Variants in EXOC1L observed in about 807,000 individuals in gnomAD.
The protein encoded by EXOC1L is exocyst complex component 1 like, also known as exocyst complex component 1-like.
Under a neutral mutation model 4.9 loss-of-function variants are expected in EXOC1L, and 10 were observed. That is an observed-to-expected ratio of 2.02 (90% CI 1.25 to 3.43). The LOEUF is 3.43. Ranked by LOEUF, EXOC1L falls within the 30% of genes most tolerant of loss-of-function variation. The pLI, the probability that EXOC1L is intolerant of heterozygous loss-of-function variation, is 0.00. For synonymous variants in EXOC1L, 41 were observed against 20.8 expected, an observed-to-expected ratio of 1.97 and a Z score of -2.63; for missense variants, 114 against 59.4, an observed-to-expected ratio of 1.92 and a Z score of -3.02.
chr4:55,823,185 G>GT lies in EXOC1L; in HGVS notation c.121+3045dup, dbSNP rs1258676473. On this transcript the variant is annotated intron_variant, in intron 1 of 2. Coordinates refer to ENST00000636125, the MANE Select transcript of EXOC1L (RefSeq NM_001351574.3). ...TATGCATAAATTCTCTATACATATT[G>GT]TTTTTTTAAGCCATACCAGAACTTC... Among the ~76,000 whole-genome samples the GT allele has an allele frequency of 3.3e-5, 5 of 151,860 alleles. No homozygotes were observed. The South Asian group carries it at 1.0e-3, about 32-fold the overall frequency.
At chr4:55,834,726 A>C (rs530435254) in intron 2 of EXOC1L, among the ~76,000 whole-genome samples, 6 of 151,958 alleles carry the variant, frequency 3.9e-5, no homozygotes, top group Non-Finnish European at 7.4e-5. Flanking sequence ...GCCAGAAAAA[A>C]AAAAAATTGT....
At chr4:55,834,091 A>C (rs1720102406) in intron 2 of EXOC1L, among the ~76,000 whole-genome samples, 1 of 151,928 alleles carries the variant, frequency 6.6e-6, no homozygotes, top group South Asian at 2.1e-4. Context: ...TTTAATTTAC[A>C]TAAATGTAAT....
chr4:55,831,476 A>C lies in EXOC1L; in HGVS notation c.252+12A>C. 1 of 675,740 alleles carries C rather than the reference A, an allele frequency of 1.5e-6. No homozygotes were observed. The highest frequency in any genetic ancestry group is 1.6e-5 in the South Asian group (1 of 61,862). 41.9% of individuals were successfully genotyped at this position (675,740 alleles called of 1,614,324 possible). A position where few individuals can be genotyped will look rare whatever the true frequency, so the allele number is the denominator to read the frequency against. On this transcript the variant is annotated intron_variant, in intron 2 of 2. Transcript: ENST00000636125. The stretch of plus-strand genomic sequence containing the variant: ...AAGAAGCAGATACTGTAAGTGTTAC[A>C]TTTTATAAGGAGATGTGGAATCAAT...
At chr4:55,832,130 C>A (rs954626307) in intron 2 of EXOC1L, among the ~76,000 whole-genome samples, 5 of 152,038 alleles carry the variant, frequency 3.3e-5, no homozygotes, top group African/African-American at 4.8e-5. Flanking sequence ...CTCATACACT[C>A]ATTATGGCAT....
At chr4:55,822,432 G>A (rs1719770219) in intron 1 of EXOC1L, among the ~76,000 whole-genome samples, 1 of 152,140 alleles carries the variant, frequency 6.6e-6, no homozygotes, top group Admixed American at 6.5e-5. Flanking sequence ...CCCCTACCTA[G>A]AACATTATCA....
chr4:55,823,667 G>A (rs1337731345), intron 1 of EXOC1L, among the ~76,000 whole-genome samples: 2 of 151,948 alleles, frequency 1.3e-5, no homozygotes, highest in African/African-American at 4.8e-5. Context: ...TCTTTTTCAA[G>A]TTGCAGTTTT....
chr4:55,835,980 A>G (rs956542918), intron 2 of EXOC1L, among the ~76,000 whole-genome samples: 1 of 151,932 alleles, frequency 6.6e-6, no homozygotes, highest in East Asian at 1.9e-4. Flanking sequence ...ACTATCTAAA[A>G]TAAGGAGAAA....
At chr4:55,832,138 C>T (rs1417703886) in intron 2 of EXOC1L, among the ~76,000 whole-genome samples, 1 of 152,018 alleles carries the variant, frequency 6.6e-6, no homozygotes, top group African/African-American at 2.4e-5. Flanking sequence ...CTCATTATGG[C>T]ATGGGTGGAA....
chr4:55,823,591 C>G (rs1719800755), intron 1 of EXOC1L, among the ~76,000 whole-genome samples: 1 of 152,104 alleles, frequency 6.6e-6, no homozygotes. Context: ...TTATGCAGGC[C>G]AAAATATATC....
In EXOC1L at chr4:55,837,181, C is replaced by A. The variant is rs1404132781; in HGVS notation, c.349C>A (p.Leu117Met). The A allele has an allele frequency of 1.4e-6, 1 of 701,918 alleles. No individual in the cohort carries two copies. The highest frequency in any genetic ancestry group is 2.6e-6 in the Non-Finnish European group (1 of 384,338). 43.5% of individuals were successfully genotyped at this position (701,918 alleles called of 1,614,324 possible). ...TGCCTTTGCTCGAACTGTAAATAAG[C>A]TGAATCATGCATATCTTAAAAAGGA... is the stretch of plus-strand genomic sequence containing the variant. ...KYAFARTVNK[L>M]NHAYLKKDLQ... The change falls in exon 3 of 3, where the codon CTG (leucine) becomes ATG (methionine). Residue 117 changes from leucine to methionine, a missense_variant. By Grantham distance (15) the Leu-to-Met change is conservative. Coordinates refer to ENST00000636125, the MANE Select transcript of EXOC1L (RefSeq NM_001351574.3).
rs993239746 is a variant in EXOC1L at position 55,829,569 on chromosome 4, G to A, written c.122-1765G>A. ...TTTTATTAGTCTTTTGCTACCAAAG[G>A]AGGGAGACTCAACGAACAGGTGTTG... On this transcript the variant is annotated intron_variant, in intron 1 of 2. Transcript: ENST00000636125. Among the ~76,000 whole-genome samples the A allele has an allele frequency of 1.5e-4, 23 of 152,214 alleles. 1 individual carries two copies. Among genetic ancestry groups the A allele is most frequent in the Admixed American group, 3.9e-4 (6 of 15,274 alleles).
chr4:55,820,639 T>C (rs1719717031), intron 1 of EXOC1L, among the ~76,000 whole-genome samples: 1 of 152,248 alleles, frequency 6.6e-6, no homozygotes, highest in African/African-American at 2.4e-5. Context: ...TTAGACTTCT[T>C]GTGGTTTATT....
chr4:55,823,184 TG>T (rs1719790491), intron 1 of EXOC1L, among the ~76,000 whole-genome samples: 1 of 152,230 alleles, frequency 6.6e-6, no homozygotes, highest in African/African-American at 2.4e-5. Flanking sequence ...CTATACATAT[TG>T]TTTTTTTAAG....
intron 1 of EXOC1L, among the ~76,000 whole-genome samples, chr4:55,830,037 C>A (rs1253671683): frequency 6.6e-6 from 1 of 152,210 alleles, no homozygotes; most frequent in Non-Finnish European, 1.5e-5. Context: ...CTAGAAATGT[C>A]TGCAGTATGA....
Position 55,819,806 on chromosome 4 carries a change from C to CGCT in EXOC1L, c.-215_-213dup, listed in dbSNP as rs1719692041. On this transcript the variant is annotated 5_prime_UTR_variant, in exon 1 of 3. Coordinates refer to ENST00000636125, the MANE Select transcript of EXOC1L (RefSeq NM_001351574.3). Reference sequence around the variant, plus strand: ...GCTGCTGTATTTTGGCTGCCGCCGCCGCTGCTGCCACTGGGCAGATACCGC... The same window carrying CGCT: ...GCTGCTGTATTTTGGCTGCCGCCGCCGCTGCTGCTGCCACTGGGCAGATACCGC... 6.1e-6 allele frequency: 2 copies of CGCT among 328,694 alleles called. No homozygotes were observed. Among genetic ancestry groups the CGCT allele is most frequent in the Non-Finnish European group, 1.1e-5 (2 of 182,776 alleles). 20.4% of individuals were successfully genotyped at this position (328,694 alleles called of 1,614,324 possible). A position where few individuals can be genotyped will look rare whatever the true frequency, so the allele number is the denominator to read the frequency against.
In EXOC1L at chr4:55,825,953, T is replaced by A. The variant is rs553484487; in HGVS notation, c.122-5381T>A. On this transcript the variant is annotated intron_variant, in intron 1 of 2. Transcript: ENST00000636125. ...TACAAAAATTAGCTGGGCATGGTGGTAGGCGCCTGTAATCCCAGCTACTCA... is the reference window on the plus strand; with the variant it reads ...TACAAAAATTAGCTGGGCATGGTGGAAGGCGCCTGTAATCCCAGCTACTCA... 3.1e-3 allele frequency among the ~76,000 whole-genome samples: 465 copies of A among 151,402 alleles called. 3 individuals carry two copies. Among genetic ancestry groups the A allele is most frequent in the Non-Finnish European group, 4.7e-3 (322 of 67,794 alleles).
intron 1 of EXOC1L, among the ~76,000 whole-genome samples, chr4:55,821,799 T>C (rs1333951241): frequency 6.6e-6 from 1 of 152,246 alleles, no homozygotes. Flanking sequence ...ATAAGCCATG[T>C]CAGTTCACTA....
At chr4:55,826,085 CAAAAA>C (rs34455273) in intron 1 of EXOC1L, among the ~76,000 whole-genome samples, 1 of 78,636 alleles carries the variant, frequency 1.3e-5, no homozygotes, top group Non-Finnish European at 2.6e-5. Context: ...AACTCCATCT[CAAAAA>C]AAAAAAAAAA....
chr4:55,822,313 A>T (rs1278637591), intron 1 of EXOC1L, among the ~76,000 whole-genome samples: 2 of 152,176 alleles, frequency 1.3e-5, no homozygotes, highest in African/African-American at 2.4e-5. Context: ...AAATGTCAAA[A>T]ACTCAATTTC....
Sources: gnomAD v4.1 joint callset for allele counts (sites outside exome capture counted in the v4.1 genomes callset) on GRCh38, gnomAD v4.1.1 for gene constraint, MANE v1.5 for transcripts, NCBI Gene and HGNC (gene_info 2026-07-23, HGNC 2026-07-21) for gene names.